STK17B: variants seen among roughly 807,000 people sequenced by gnomAD.
STK17B encodes the protein serine/threonine-protein kinase 17B.
STK17B carries 21 observed loss-of-function variants against 42.0 expected under a neutral mutation model. The ratio of observed to expected loss-of-function variants is 0.50; its 90% CI spans 0.35 to 0.72. The LOEUF is 0.72. Among genes scored for constraint, STK17B ranks in the 30% least tolerant of loss-of-function variants. STK17B has a pLI of 0.00. For missense variants in STK17B, 349 were observed against 446.0 expected, an observed-to-expected ratio of 0.78 and a Z score of 1.96; for synonymous variants, 143 against 148.4, an observed-to-expected ratio of 0.96 and a Z score of 0.26.
intron 5 of STK17B, among the ~76,000 whole-genome samples, chr2:196,142,484 C>T (rs1699507776): frequency 6.6e-6 from 1 of 151,978 alleles, no homozygotes; most frequent in African/African-American, 2.4e-5. Context: ...ATTCTCTATG[C>T]TTTCTAAACA....
chr2:196,140,954 T>G (rs1383950753), intron 6 of STK17B, among the ~76,000 whole-genome samples: 1 of 152,236 alleles, frequency 6.6e-6, no homozygotes, highest in Admixed American at 6.5e-5. Context: ...ATTAAGCATT[T>G]CACCTTCATC....
At chr2:196,150,245 G>A (rs373471559) in intron 3 of STK17B, among the ~76,000 whole-genome samples, 3 of 148,512 alleles carry the variant, frequency 2.0e-5, no homozygotes, top group East Asian at 3.9e-4. Context: ...CAGAAAAGCC[G>A]CCTATATCAT....
Position 196,139,643 on chromosome 2 carries a change from C to T in STK17B, c.813G>A (p.Gln271=). 7.1e-7 allele frequency: 1 copy of T among 1,408,204 alleles called. No homozygotes were observed. The highest frequency in any genetic ancestry group is 9.3e-7 in the Non-Finnish European group (1 of 1,073,646). The allele number at this position is 1,408,204 out of a possible 1,614,324, so 87.2% of individuals were successfully genotyped here. ...ACTCTGGATTTTTTACTAAAAGGCT[C>T]TGAATAAAGTCTGTGGCCAGCTGTG... is the stretch of plus-strand genomic sequence containing the variant. ...SVSQLATDFI[Q]SLLVKNPEKR... is the part of the protein sequence containing the mutation. Residue 271 remains glutamine (Q), a synonymous_variant, in exon 7 of 8, where the codon CAG becomes CAA. Coordinates refer to ENST00000263955, the MANE Select transcript of STK17B (RefSeq NM_004226.4).
intron 4 of STK17B, among the ~76,000 whole-genome samples, chr2:196,144,181 A>T (rs1202053048): frequency 1.4e-5 from 1 of 69,580 alleles, no homozygotes; most frequent in Non-Finnish European, 3.5e-5. Context: ...TAAATAAAAA[A>T]AAAATTAAAA....
intron 6 of STK17B, among the ~76,000 whole-genome samples, chr2:196,140,045 T>A (rs576451648): frequency 6.6e-6 from 1 of 152,360 alleles, no homozygotes; most frequent in African/African-American, 2.4e-5. Context: ...ATATTATTGC[T>A]ACCGTCTATC....
intron 3 of STK17B, chr2:196,154,536 G>A (rs4850669): frequency 0.73 from 111,262 of 152,156 alleles, 41,104 homozygotes; most frequent in East Asian, 0.91. Context: ...CAACTGGTGA[G>A]TAAAAGTGAA....
At chr2:196,149,716 A>G (rs79054737) in intron 3 of STK17B, among the ~76,000 whole-genome samples, 13,081 of 152,268 alleles carry the variant, frequency 0.086, 743 homozygotes, top group Non-Finnish European at 0.12. Flanking sequence ...AAAAGTACAT[A>G]CGCACAGACC....
chr2:196,168,254 ACT>A (rs1348212065), intron 1 of STK17B, among the ~76,000 whole-genome samples: 1 of 152,144 alleles, frequency 6.6e-6, no homozygotes, highest in Admixed American at 6.5e-5. Flanking sequence ...CCTAGGCCTG[ACT>A]CTGTGCCAAG....
intron 5 of STK17B, among the ~76,000 whole-genome samples, chr2:196,141,906 G>A (rs1236539906): frequency 8.5e-6 from 1 of 118,106 alleles, no homozygotes; most frequent in African/African-American, 3.1e-5. Flanking sequence ...GTAAAACTCT[G>A]GAAGCTAGAA....
chr2:196,172,918 T>TG (rs1332549744), upstream of STK17B, among the ~76,000 whole-genome samples: 2 of 152,290 alleles, frequency 1.3e-5, no homozygotes, highest in East Asian at 3.9e-4. Context: ...GCATAGGTGT[T>TG]GCATTCCAGA....
chr2:196,144,445 C>T (rs1233587449), intron 4 of STK17B, among the ~76,000 whole-genome samples: 3 of 121,264 alleles, frequency 2.5e-5, no homozygotes, highest in African/African-American at 9.3e-5. Context: ...CAAGATCGCA[C>T]CACTGCAATT....
At chr2:196,151,767 T>C (rs962669693) in intron 3 of STK17B, among the ~76,000 whole-genome samples, 4 of 152,332 alleles carry the variant, frequency 2.6e-5, no homozygotes, top group Middle Eastern at 3.4e-3. Context: ...TTTTCCTCCA[T>C]ATGTATAAAT....
chr2:196,170,175 A>G (rs886653890), intron 1 of STK17B, among the ~76,000 whole-genome samples: 3 of 149,304 alleles, frequency 2.0e-5, no homozygotes, highest in Admixed American at 1.3e-4. Context: ...TATCAATGAG[A>G]AAGTAGGTTT....
At chr2:196,158,553 A>G (rs1168657904) in intron 2 of STK17B, among the ~76,000 whole-genome samples, 2 of 152,308 alleles carry the variant, frequency 1.3e-5, no homozygotes, top group Admixed American at 1.3e-4. Flanking sequence ...TTTATATTCA[A>G]TCCACTGGTG....
chr2:196,148,649 T>C (rs7568160), intron 3 of STK17B, among the ~76,000 whole-genome samples: 2,712 of 152,232 alleles, frequency 0.018, 70 homozygotes, highest in African/African-American at 0.061. Context: ...TTACACCCCC[T>C]AAATATATAA....
chr2:196,142,860 G>GTA (rs1478622494), intron 5 of STK17B, among the ~76,000 whole-genome samples: 3 of 152,228 alleles, frequency 2.0e-5, no homozygotes, highest in Admixed American at 2.0e-4. Context: ...GGGGACATCA[G>GTA]TATAAACAAT....
At chr2:196,157,117 A>C (rs1366321331) in intron 2 of STK17B, among the ~76,000 whole-genome samples, 1 of 149,896 alleles carries the variant, frequency 6.7e-6, no homozygotes, top group African/African-American at 2.5e-5. Context: ...ATGCCACTGT[A>C]CTCCAGCCTG....
intron 3 of STK17B, among the ~76,000 whole-genome samples, chr2:196,149,082 C>G (rs1045431237): frequency 6.6e-6 from 1 of 152,040 alleles, no homozygotes; most frequent in Non-Finnish European, 1.5e-5. Context: ...CACAAACATC[C>G]TAGAAGAATC....
At chr2:196,142,310 G>C (rs1699505911) in intron 5 of STK17B, among the ~76,000 whole-genome samples, 1 of 152,078 alleles carries the variant, frequency 6.6e-6, no homozygotes, top group Non-Finnish European at 1.5e-5. Context: ...CACTCGCCTT[G>C]GCCTCCCAAA....
Sources: allele counts gnomAD v4.1 joint callset (sites outside exome capture counted in the v4.1 genomes callset), GRCh38; gene constraint gnomAD v4.1.1; transcripts MANE v1.5; gene names NCBI Gene and HGNC (gene_info 2026-07-23, HGNC 2026-07-21).